CNNM2: variants seen among roughly 807,000 people sequenced by gnomAD.
CNNM2 encodes the protein metal transporter CNNM2.
CNNM2 carries 12 observed loss-of-function variants against 66.9 expected under a neutral mutation model. The ratio of observed to expected loss-of-function variants is 0.18; its 90% CI spans 0.11 to 0.29. CNNM2 has a LOEUF of 0.29. Ranked by LOEUF, CNNM2 falls within the 10% of genes least tolerant of loss-of-function variation. CNNM2 has a pLI of 1.00. For missense variants in CNNM2, 705 were observed against 1,167.7 expected, an observed-to-expected ratio of 0.60 and a Z score of 5.77; for synonymous variants, 557 against 501.8, an observed-to-expected ratio of 1.11 and a Z score of -1.47.
rs747058788 is a variant in CNNM2 at position 103,049,849 on chromosome 10, C to T, written c.1764C>T (p.Tyr588=). 1.3e-4 allele frequency: 210 copies of T among 1,613,216 alleles called. No homozygotes were observed. Among genetic ancestry groups the T allele is most frequent in the Non-Finnish European group, 1.7e-4 (202 of 1,179,530 alleles). ...KSEILDETDL[Y]TDNRTKKKVA... is the part of the protein sequence containing the mutation. ...AGATTCTTGATGAAACAGATTTATA[C>T]AGTAAGTAGCATTGTCTGAGTGTAT... is the stretch of plus-strand genomic sequence containing the variant. The change falls in exon 2 of 8, where the codon TAC becomes TAT. Residue 588 remains tyrosine (Y), a splice_region_variant and synonymous_variant. Transcript: ENST00000369878.
Position 103,080,618 on chromosome 10 carries a change from C to T in CNNM2, c.*3438C>T, listed in dbSNP as rs561875901. ...GGGAGGGAGTGGGGCATCTTACCAT[C>T]TTCTAATGTGACTTCAAGGAACAGT... On this transcript the variant is annotated 3_prime_UTR_variant, in exon 8 of 8. Transcript: ENST00000369878. The T allele has an allele frequency of 6.6e-6, 1 of 152,260 alleles. No homozygotes were observed. The highest frequency in any genetic ancestry group is 2.1e-4 in the South Asian group (1 of 4,822). The allele number at this position is 152,260 out of a possible 1,614,324, so 9.4% of individuals were successfully genotyped here. A position where few individuals can be genotyped will look rare whatever the true frequency, so the allele number is the denominator to read the frequency against.
At chr10:103,066,198 T>C (rs1334988272) in intron 4 of CNNM2, among the ~76,000 whole-genome samples, 1 of 152,174 alleles carries the variant, frequency 6.6e-6, no homozygotes, top group African/African-American at 2.4e-5. Context: ...GGCTCTGCCA[T>C]GGTCCTGTTA....
chr10:103,023,884 A>G (rs1190047045), intron 1 of CNNM2, among the ~76,000 whole-genome samples: 1 of 152,230 alleles, frequency 6.6e-6, no homozygotes, highest in Non-Finnish European at 1.5e-5. Context: ...TAATGAATAT[A>G]CATATATTTT....
At chr10:102,972,344 A>G (rs897119919) in intron 1 of CNNM2, among the ~76,000 whole-genome samples, 1 of 152,078 alleles carries the variant, frequency 6.6e-6, no homozygotes. Context: ...GGAGAGAGGA[A>G]GAAGCTTCCT....
At chr10:102,925,844 T>C (rs1262718805) in intron 1 of CNNM2, among the ~76,000 whole-genome samples, 1 of 152,210 alleles carries the variant, frequency 6.6e-6, no homozygotes, top group Non-Finnish European at 1.5e-5. Context: ...ATTTTTATCT[T>C]AGTTTAACTG....
rs1303434937 is a variant in CNNM2 at position 103,054,265 on chromosome 10, A to C, written c.1766-64A>C. 11 of 1,554,922 alleles carry C rather than the reference A, an allele frequency of 7.1e-6. No homozygotes were observed. In the Admixed American group the frequency reaches 2.2e-4, roughly 31 times the overall value. On this transcript the variant is annotated intron_variant, in intron 2 of 7. Coordinates refer to ENST00000369878, the MANE Select transcript of CNNM2 (RefSeq NM_017649.5). This position sits in a 1 kb window ranked among gnomAD's most constrained non-coding sequence, Gnocchi z 5.2. ...CCAATATATTTTGTCTTTTTCATTC[A>C]AAAAGAGCCCTCATCTCATGGGATG...
chr10:103,023,552 C>G (rs1014922285), intron 1 of CNNM2, among the ~76,000 whole-genome samples: 6 of 152,026 alleles, frequency 3.9e-5, no homozygotes, highest in African/African-American at 1.4e-4. Context: ...CTGTTCCCCC[C>G]TCCCCATCCC....
chr10:102,984,753 G>A (rs1022843634), intron 1 of CNNM2, among the ~76,000 whole-genome samples: 5 of 151,468 alleles, frequency 3.3e-5, no homozygotes, highest in Admixed American at 6.6e-5. Flanking sequence ...TCTGCCTCCC[G>A]GGTTCAAGTG....
chr10:102,961,953 T>C (rs1455531560), intron 1 of CNNM2, among the ~76,000 whole-genome samples: 1 of 149,818 alleles, frequency 6.7e-6, no homozygotes, highest in African/African-American at 2.5e-5. Context: ...ACGATACTTA[T>C]AAAAAACAAA....
chr10:102,950,864 T>C (rs1846799527), intron 1 of CNNM2, among the ~76,000 whole-genome samples: 1 of 152,188 alleles, frequency 6.6e-6, no homozygotes, highest in African/African-American at 2.4e-5. Flanking sequence ...AGCAATTTGT[T>C]TTACAGAAGC....
At chr10:103,065,977 T>A (rs890761877) in intron 4 of CNNM2, among the ~76,000 whole-genome samples, 5 of 152,136 alleles carry the variant, frequency 3.3e-5, no homozygotes, top group African/African-American at 1.2e-4. Context: ...GATGGGGATG[T>A]CCTGCTGCCT....
chr10:102,963,641 TTTC>T (rs1240584385), intron 1 of CNNM2, among the ~76,000 whole-genome samples: 2 of 145,582 alleles, frequency 1.4e-5, no homozygotes, highest in East Asian at 2.0e-4. Context: ...TTTATTTTTC[TTTC>T]TTTTTTTTTA....
At chr10:103,050,352 T>G (rs1232961578) in intron 2 of CNNM2, among the ~76,000 whole-genome samples, 1 of 151,954 alleles carries the variant, frequency 6.6e-6, no homozygotes, top group East Asian at 1.9e-4. Flanking sequence ...GCCGACATGG[T>G]GAAACCTTGT....
At chr10:102,978,389 A>G (rs2063670516) in intron 1 of CNNM2, among the ~76,000 whole-genome samples, 1 of 151,768 alleles carries the variant, frequency 6.6e-6, no homozygotes, top group Admixed American at 6.6e-5. Context: ...TCTGAATGTT[A>G]TCCTTTATGA....
At chr10:102,929,310 A>G (rs186841828) in intron 1 of CNNM2, among the ~76,000 whole-genome samples, 13 of 152,172 alleles carry the variant, frequency 8.5e-5, no homozygotes, top group African/African-American at 3.1e-4. Context: ...TCATGTCTGT[A>G]ATCCCAGCAC....
intron 4 of CNNM2, among the ~76,000 whole-genome samples, chr10:103,067,159 C>T (rs941512851): frequency 6.7e-6 from 1 of 149,022 alleles, no homozygotes. Flanking sequence ...AGTGCAGTGG[C>T]GTGATCATGG....
At chr10:103,012,753 C>T (rs2064368717) in intron 1 of CNNM2, among the ~76,000 whole-genome samples, 1 of 149,204 alleles carries the variant, frequency 6.7e-6, no homozygotes, top group African/African-American at 2.5e-5. Flanking sequence ...AAACTCTTCT[C>T]TACAACAACA....
chr10:102,928,229 T>C (rs192027480), intron 1 of CNNM2, among the ~76,000 whole-genome samples: 2 of 152,344 alleles, frequency 1.3e-5, no homozygotes, highest in Admixed American at 1.3e-4. Flanking sequence ...CTGTAGGCTC[T>C]TGGTTGTTAT....
rs543798356 is a variant in CNNM2, at chr10:102,922,647, A to C, written c.1621+2546A>C. ...GATCATAGATCCAGATCTCATTGAA[A>C]ATTATCCTTTTGGCTAGGCATGGTG... On this transcript the variant is annotated intron_variant, in intron 1 of 7. Coordinates refer to ENST00000369878, the MANE Select transcript of CNNM2 (RefSeq NM_017649.5). Among the ~76,000 whole-genome samples the C allele has an allele frequency of 2.6e-5, 4 of 152,312 alleles. No individual in the cohort carries two copies. The East Asian group carries it at 7.7e-4, about 29-fold the overall frequency.
Sources: gnomAD v4.1 joint callset for allele counts (sites outside exome capture counted in the v4.1 genomes callset) on GRCh38, gnomAD v4.1.1 for gene constraint, Gnocchi (gnomAD v3.1) non-coding constraint, MANE v1.5 for transcripts, NCBI Gene and HGNC (gene_info 2026-07-23, HGNC 2026-07-21) for gene names.